Variants in FYCO1 observed in about 807,000 individuals in gnomAD.
FYCO1 encodes the protein FYVE and coiled-coil domain-containing protein 1.
In FYCO1, 122 loss-of-function variants were observed where a neutral mutation model predicts 165.1. The observed-to-expected ratio is 0.74, with a 90% CI of 0.64 to 0.86. The LOEUF is 0.86. FYCO1 is among the 40% of genes least tolerant of loss of function. The pLI is 0.00. For synonymous variants in FYCO1, 648 were observed against 742.5 expected (o/e 0.87, Z 2.07); for missense variants, 1,702 against 1,810.3 (o/e 0.94, Z 1.09).
At chr3:45,958,647 A>G (rs762447169) in intron 12 of FYCO1, 28 bp from the exon 13 acceptor site, 2 of 1,606,472 alleles carry the variant, frequency 1.2e-6, no homozygotes, top group Non-Finnish European at 1.7e-6. Flanking sequence ...CCAGGCTGTG[A>G]GGATGACACA....
At chr3:45,987,822 T>C (rs532648728) in intron 1 of FYCO1, among the ~76,000 whole-genome samples, 1 of 152,322 alleles carries the variant, frequency 6.6e-6, no homozygotes, top group South Asian at 2.1e-4. Flanking sequence ...ACCAACCAGC[T>C]GGATTTTCTG....
intron 14 of FYCO1, chr3:45,947,508 T>C: frequency 1.2e-6 from 2 of 1,611,060 alleles, no homozygotes; most frequent in South Asian, 1.1e-5. Context: ...GTTCCAGTTA[T>C]AGGCCTTGCC....
intron 14 of FYCO1, chr3:45,946,346 A>G (rs1278695341): frequency 1.4e-6 from 1 of 705,700 alleles, no homozygotes; most frequent in African/African-American, 1.8e-5. Flanking sequence ...TACACATCCC[A>G]GTGGGTGGGT....
rs760089637 is a variant in FYCO1, at chr3:45,981,657, G to A, written c.75C>T (p.Ser25=). 1 of 1,613,088 alleles carries A rather than the reference G, an allele frequency of 6.2e-7. No individual in the cohort carries two copies. Among genetic ancestry groups the A allele is most frequent in the Non-Finnish European group, 8.5e-7 (1 of 1,179,018 alleles). The change falls in exon 3 of 18, where the codon AGC becomes AGT. Residue 25 remains serine, a synonymous_variant. Transcript: ENST00000296137. ...RDLQDAVTEL[S]KEFQEAGEPI... is the part of the protein sequence containing the mutation. The stretch of plus-strand genomic sequence containing the variant: ...GTTCCCCTGCTTCCTGAAATTCTTT[G>A]CTTAGTTCTGTCACAGCATCTTTAA...
chr3:45,955,529 A>G, intron 13 of FYCO1, 136 bp from the exon 14 acceptor site: 1 of 957,158 alleles, frequency 1.0e-6, no homozygotes, highest in Non-Finnish European at 1.7e-6. Context: ...GTGGTCACTC[A>G]ACTGACAGCT....
chr3:45,950,961 A>G (rs1363448578), intron 14 of FYCO1, among the ~76,000 whole-genome samples: 2 of 152,174 alleles, frequency 1.3e-5, no homozygotes, highest in Non-Finnish European at 2.9e-5. Context: ...GTGGGTGACA[A>G]ATCTACCACA....
At chr3:45,928,108 C>A (rs1703409518) in intron 16 of FYCO1, among the ~76,000 whole-genome samples, 2 of 152,254 alleles carry the variant, frequency 1.3e-5, no homozygotes, top group South Asian at 4.1e-4. Context: ...GGAGTGACTG[C>A]TAATGGGCAC....
chr3:45,949,962 C>T (rs963171001), intron 14 of FYCO1, among the ~76,000 whole-genome samples: 3 of 152,190 alleles, frequency 2.0e-5, no homozygotes, highest in Non-Finnish European at 2.9e-5. Flanking sequence ...AACGCGGGCA[C>T]AGCACATGCA....
chr3:45,968,723 A>C lies in FYCO1; in HGVS notation c.631-20T>G, dbSNP rs1229315977. ...TTGAGTCTGGGAGGGAAAACACAAA[A>C]GACAAGTGGCTTTAGGATGAAGCTA... On this transcript the variant is annotated intron_variant, in intron 7 of 17. Transcript: ENST00000296137. The C allele has an allele frequency of 6.8e-6, 11 of 1,614,040 alleles. No individual in the cohort carries two copies. Among genetic ancestry groups the C allele is most frequent in the Non-Finnish European group, 9.3e-6 (11 of 1,180,040 alleles).
chr3:45,942,862 G>A (rs1413720215), intron 14 of FYCO1, among the ~76,000 whole-genome samples: 2 of 152,214 alleles, frequency 1.3e-5, no homozygotes, highest in African/African-American at 4.8e-5. Flanking sequence ...GGCTTAGGAG[G>A]TGGGGCTGCA....
At position 45,967,875 on chromosome 3, in the gene FYCO1, G is replaced by C. The variant is rs763391065; in HGVS notation, c.1459C>G (p.Leu487Val). The C allele has an allele frequency of 5.0e-6, 8 of 1,613,922 alleles. No individual in the cohort carries two copies. In the East Asian group the frequency reaches 8.9e-5, roughly 18 times the overall value. ...TTTTTCTCCCGCCTCAACTCTGCTA[G>C]CTCCTCCTCCCAGGAGCTCGTGTGG... ...LAHTSSWEEELAELRREKKQQ... is the reference protein window; with the variant it reads ...LAHTSSWEEEVAELRREKKQQ... Residue 487 changes from leucine (L) to valine (V), a missense_variant, in exon 8 of 18, where the codon CTA (leucine) becomes GTA (valine). Physicochemically the swap from Leu to Val is conservative, Grantham distance 32. Coordinates refer to ENST00000296137, the MANE Select transcript of FYCO1 (RefSeq NM_024513.4).
chr3:45,922,743 C>T (rs1703145900), intron 17 of FYCO1, among the ~76,000 whole-genome samples: 1 of 152,180 alleles, frequency 6.6e-6, no homozygotes, highest in South Asian at 2.1e-4. Context: ...CCTGGCAGTT[C>T]AAGGCCTGGA....
chr3:45,979,140 G>A (rs544727235), intron 4 of FYCO1, among the ~76,000 whole-genome samples: 6 of 152,286 alleles, frequency 3.9e-5, no homozygotes, highest in Admixed American at 6.5e-5. Context: ...GATTACAGGC[G>A]TGAGCCACCG....
chr3:45,987,025 T>C (rs1707349733), intron 1 of FYCO1, among the ~76,000 whole-genome samples: 2 of 152,062 alleles, frequency 1.3e-5, no homozygotes, highest in African/African-American at 4.8e-5. Context: ...CGTAGAGATA[T>C]GGATAAAAAG....
At position 45,921,528 on chromosome 3, in the gene FYCO1, C is replaced by A; in HGVS notation, c.*237G>T. On this transcript the variant is annotated 3_prime_UTR_variant, in exon 18 of 18. Transcript: ENST00000296137. ...CAGAGCATCCCTTTGGGTGTGACAA[C>A]AGCTGAGTCTCTACTTAATGGAAAC... is the stretch of plus-strand genomic sequence containing the variant. 1.9e-6 allele frequency: 1 copy of A among 523,140 alleles called. No homozygotes were observed. The highest frequency in any genetic ancestry group is 3.5e-6 in the Non-Finnish European group (1 of 287,546). 32.4% of individuals were successfully genotyped at this position (523,140 alleles called of 1,614,324 possible).
intron 15 of FYCO1, among the ~76,000 whole-genome samples, chr3:45,934,748 C>T (rs914090718): frequency 6.6e-6 from 1 of 152,204 alleles, no homozygotes; most frequent in Non-Finnish European, 1.5e-5. Context: ...CAGCCATTCA[C>T]GACCACCCAA....
chr3:45,963,256 GAATAA>G (rs1415850258), intron 10 of FYCO1, among the ~76,000 whole-genome samples: 2 of 151,940 alleles, frequency 1.3e-5, no homozygotes, highest in Admixed American at 6.6e-5. Flanking sequence ...CACACACACT[GAATAA>G]AATAAGTTGG....
chr3:45,994,800 A>C (rs1005445529), intron 1 of FYCO1, among the ~76,000 whole-genome samples: 6 of 152,098 alleles, frequency 3.9e-5, no homozygotes, highest in African/African-American at 1.4e-4. Flanking sequence ...AAAGCCCCTG[A>C]CCCATTTCTC....
In FYCO1 at chr3:45,974,382, G is replaced by C. The variant is rs1233358169; in HGVS notation, c.395+857C>G. 2.0e-5 allele frequency among the ~76,000 whole-genome samples: 3 copies of C among 152,296 alleles called. No homozygotes were observed. The East Asian group carries it at 5.8e-4, about 29-fold the overall frequency. ...AGTGGGACATTATTGTCTGTGAACT[G>C]TGCGATCTTCACCAAACATCTAAAA... On this transcript the variant is annotated intron_variant, in intron 5 of 17. Coordinates refer to ENST00000296137, the MANE Select transcript of FYCO1 (RefSeq NM_024513.4).
Sources: allele counts gnomAD v4.1 joint callset (sites outside exome capture counted in the v4.1 genomes callset), GRCh38; gene constraint gnomAD v4.1.1; transcripts MANE v1.5; gene names NCBI Gene and HGNC (gene_info 2026-07-23, HGNC 2026-07-21).